Variants in PCSK5 observed in about 807,000 individuals in gnomAD.
The protein encoded by PCSK5 is prohormone convertase 5.
PCSK5 carries 129 observed loss-of-function variants against 233.2 expected under a neutral mutation model. The ratio of observed to expected loss-of-function variants is 0.55; its 90% CI spans 0.48 to 0.64. PCSK5 has a LOEUF of 0.64. PCSK5 is among the 30% of genes least tolerant of loss of function. The probability of loss-of-function intolerance (pLI) is 0.00; values close to 1 mark genes in which losing one functional copy is unlikely to be tolerated. For synonymous variants in PCSK5, 825 were observed against 879.2 expected, an observed-to-expected ratio of 0.94 and a Z score of 1.09; for missense variants, 2,076 against 2,430.1, an observed-to-expected ratio of 0.85 and a Z score of 3.06.
At chr9:75,952,255 C>T (rs970730312) in intron 2 of PCSK5, among the ~76,000 whole-genome samples, 2 of 152,112 alleles carry the variant, frequency 1.3e-5, no homozygotes, top group African/African-American at 4.8e-5. Flanking sequence ...AATTTACATA[C>T]AGTGAAATTA....
At chr9:76,063,234 A>C (rs1036918015) in intron 5 of PCSK5, among the ~76,000 whole-genome samples, 1 of 149,530 alleles carries the variant, frequency 6.7e-6, no homozygotes, top group Non-Finnish European at 1.5e-5. Context: ...TCCCGGGCTT[A>C]AGTGATTCTC....
At chr9:76,130,493 G>A (rs1372406592) in intron 9 of PCSK5, among the ~76,000 whole-genome samples, 1 of 152,114 alleles carries the variant, frequency 6.6e-6, no homozygotes, top group African/African-American at 2.4e-5. Flanking sequence ...GTAACTCAAA[G>A]CCTCAGTTTT....
chr9:76,000,552 AT>A (rs1276717974), intron 3 of PCSK5, among the ~76,000 whole-genome samples: 1 of 152,158 alleles, frequency 6.6e-6, no homozygotes, highest in African/African-American at 2.4e-5. Context: ...CTCATCAATC[AT>A]TTGTTACAGT....
At chr9:76,072,567 A>G (rs1830517839) in intron 7 of PCSK5, among the ~76,000 whole-genome samples, 1 of 152,242 alleles carries the variant, frequency 6.6e-6, no homozygotes, top group African/African-American at 2.4e-5. Context: ...GCTCCACCAG[A>G]AGTAATGTCT....
intron 26 of PCSK5, 80 bp downstream of exon 26, chr9:76,295,491 G>C: frequency 7.6e-7 from 1 of 1,316,178 alleles, no homozygotes; most frequent in Non-Finnish European, 1.1e-6. Context: ...GAGCGCACAT[G>C]TGATTGGTTT....
chr9:76,289,500 C>CAT lies in PCSK5; in HGVS notation c.3143-2732_3143-2731insTA, dbSNP rs1554717459. On this transcript the variant is annotated intron_variant, in intron 24 of 37. Transcript: ENST00000674117. ...ACACACACACACACACACACACACACACACACACACGCAACATACACACAC... is the reference window on the plus strand; with the variant it reads ...ACACACACACACACACACACACACACATACACACACACGCAACATACACACAC... Among the ~76,000 whole-genome samples, 384 of 120,944 alleles carry CAT rather than the reference C, an allele frequency of 3.2e-3. 1 individual carries two copies. The highest frequency in any genetic ancestry group is 8.1e-3 in the Middle Eastern group (2 of 246). The allele number at this position is 120,944 out of a possible 152,430, so 79.3% of individuals were successfully genotyped here.
intron 2 of PCSK5, among the ~76,000 whole-genome samples, chr9:75,968,194 T>C (rs2131358966): frequency 6.6e-6 from 1 of 152,300 alleles, no homozygotes; most frequent in African/African-American, 2.4e-5. Context: ...CTGATTGTGC[T>C]GAGTAAATGT....
At chr9:76,278,074 G>A (rs1256098367) in intron 24 of PCSK5, among the ~76,000 whole-genome samples, 1 of 152,122 alleles carries the variant, frequency 6.6e-6, no homozygotes, top group Non-Finnish European at 1.5e-5. Flanking sequence ...GGAGCAGTAG[G>A]ACATCTCAAC....
At chr9:76,236,024 T>C (rs1409466314) in intron 22 of PCSK5, among the ~76,000 whole-genome samples, 1 of 152,246 alleles carries the variant, frequency 6.6e-6, no homozygotes, top group Non-Finnish European at 1.5e-5. Flanking sequence ...TAATTGTGAC[T>C]TCATTAAGGT....
At chr9:75,946,740 C>A (rs998560405) in intron 2 of PCSK5, among the ~76,000 whole-genome samples, 1 of 152,138 alleles carries the variant, frequency 6.6e-6, no homozygotes, top group Non-Finnish European at 1.5e-5. Context: ...AGGTGCCCAC[C>A]ACCATGCCAG....
chr9:76,085,294 G>T (rs1006480779), intron 7 of PCSK5, among the ~76,000 whole-genome samples: 1 of 152,152 alleles, frequency 6.6e-6, no homozygotes, highest in East Asian at 1.9e-4. Context: ...TGTTTGTTCT[G>T]TTCTCTTCCT....
chr9:75,963,289 G>C (rs904317534), intron 2 of PCSK5, among the ~76,000 whole-genome samples: 1 of 152,142 alleles, frequency 6.6e-6, no homozygotes, highest in African/African-American at 2.4e-5. Flanking sequence ...GGCTTTGGCA[G>C]ACCTGTGGAA....
intron 3 of PCSK5, among the ~76,000 whole-genome samples, chr9:75,989,606 C>T (rs1826678087): frequency 1.3e-5 from 2 of 152,120 alleles, no homozygotes; most frequent in African/African-American, 4.8e-5. Flanking sequence ...AGCTAGAAGA[C>T]TCAAAGGCTT....
At chr9:75,919,733 C>G (rs1408889316) in intron 1 of PCSK5, among the ~76,000 whole-genome samples, 1 of 152,198 alleles carries the variant, frequency 6.6e-6, no homozygotes, top group Non-Finnish European at 1.5e-5. Context: ...ATCCTTACAT[C>G]TGGTTAGAAG....
At chr9:76,273,955 T>C (rs1335067815) in intron 24 of PCSK5, among the ~76,000 whole-genome samples, 1 of 151,150 alleles carries the variant, frequency 6.6e-6, no homozygotes, top group Non-Finnish European at 1.5e-5. Context: ...GCCAGATTGG[T>C]GGGTTTTGTT....
intron 34 of PCSK5, among the ~76,000 whole-genome samples, chr9:76,337,497 G>A (rs541678774): frequency 2.0e-5 from 3 of 150,874 alleles, no homozygotes; most frequent in East Asian, 2.0e-4. Flanking sequence ...TTTTTGAGAC[G>A]GAGTCTCACA....
intron 24 of PCSK5, among the ~76,000 whole-genome samples, chr9:76,290,443 G>C (rs1212490761): frequency 3.3e-5 from 5 of 152,146 alleles, no homozygotes; most frequent in Non-Finnish European, 5.9e-5. Flanking sequence ...TGTTGACCCA[G>C]ACATTAAAAA....
intron 33 of PCSK5, among the ~76,000 whole-genome samples, chr9:76,331,436 G>A (rs534779257): frequency 1.0e-3 from 153 of 152,156 alleles, no homozygotes; most frequent in Non-Finnish European, 1.8e-3. Context: ...GGGAGGCCGA[G>A]GTGGGCGGAT....
At chr9:76,139,546 G>A (rs1349924665) in intron 10 of PCSK5, among the ~76,000 whole-genome samples, 1 of 151,982 alleles carries the variant, frequency 6.6e-6, no homozygotes, top group Non-Finnish European at 1.5e-5. Flanking sequence ...GATCCCACTT[G>A]CAGAAATGAG....
Sources: gnomAD v4.1 joint callset for allele counts (sites outside exome capture counted in the v4.1 genomes callset) on GRCh38, gnomAD v4.1.1 for gene constraint, MANE v1.5 for transcripts, NCBI Gene and HGNC (gene_info 2026-07-23, HGNC 2026-07-21) for gene names.